The following ACYP2 variants were observed in gnomAD, a reference collection of about 807,000 sequenced individuals.
The protein encoded by ACYP2 is acylphosphatase 2, also known as acylphosphatase-2.
In ACYP2, 12 loss-of-function variants were observed where a neutral mutation model predicts 11.2. The ratio of observed to expected loss-of-function variants is 1.08; its 90% confidence interval spans 0.69 to 1.74. The LOEUF is 1.74. Ranked by LOEUF, ACYP2 falls within the 40% of genes most tolerant of loss-of-function variation. The pLI is 0.00. For synonymous variants in ACYP2, 43 were observed against 32.2 expected, an observed-to-expected ratio of 1.33 and a Z score of -1.13; for missense variants, 134 against 101.9, an observed-to-expected ratio of 1.31 and a Z score of -1.35.
intron 2 of ACYP2, among the ~76,000 whole-genome samples, chr2:53,991,583 T>G (rs915179222): frequency 3.3e-5 from 5 of 151,928 alleles, no homozygotes; most frequent in Non-Finnish European, 7.4e-5. Flanking sequence ...TTTTGTATTT[T>G]TAGTAGAGAC....
At chr2:54,275,041 T>C (rs958153928) in intron 6 of ACYP2, among the ~76,000 whole-genome samples, 1 of 152,004 alleles carries the variant, frequency 6.6e-6, no homozygotes, top group African/African-American at 2.4e-5. Context: ...GAATATTATT[T>C]TTAAGTTCTG....
chr2:53,993,285 G>A (rs1259815359), intron 2 of ACYP2, among the ~76,000 whole-genome samples: 1 of 152,108 alleles, frequency 6.6e-6, no homozygotes, highest in African/African-American at 2.4e-5. Context: ...ATTAGAAAGA[G>A]AGAGATGATG....
Position 54,127,752 on chromosome 2 carries a change from A to G in ACYP2, c.278-7701A>G, listed in dbSNP as rs796319765. Among the ~76,000 whole-genome samples the G allele has an allele frequency of 4.8e-4, 5 of 10,320 alleles. No homozygotes were observed. In the African/African-American group the frequency reaches 6.7e-3, roughly 14 times the overall value. 6.8% of individuals were successfully genotyped at this position (10,320 alleles called of 152,430 possible). ...TGGGCAACAGAGCGAGACTGTCTCA[A>G]AAAAAAAAAAAAAAAAAAAGCTTCT... On this transcript the variant is annotated intron_variant, in intron 4 of 6. Transcript: ENST00000607452.
chr2:53,986,026 C>A (rs953847825), intron 2 of ACYP2, among the ~76,000 whole-genome samples: 4 of 152,132 alleles, frequency 2.6e-5, no homozygotes, highest in African/African-American at 7.2e-5. Context: ...ATCCCAGCTC[C>A]TCGCAAGGCT....
chr2:54,220,806 T>C (rs1161801499), intron 6 of ACYP2, among the ~76,000 whole-genome samples: 1 of 152,234 alleles, frequency 6.6e-6, no homozygotes, highest in African/African-American at 2.4e-5. Context: ...ACTCTCCTCC[T>C]TAATTACCAC....
intron 4 of ACYP2, among the ~76,000 whole-genome samples, chr2:54,060,635 C>T (rs1308697836): frequency 6.6e-6 from 1 of 152,120 alleles, no homozygotes; most frequent in African/African-American, 2.4e-5. Context: ...AATTTATTTG[C>T]CCAAATACAT....
chr2:54,136,793 T>C (rs937882652), intron 5 of ACYP2, among the ~76,000 whole-genome samples: 3 of 152,082 alleles, frequency 2.0e-5, no homozygotes, highest in African/African-American at 7.2e-5. Flanking sequence ...CTGGCCATCA[T>C]AGTGAAACCC....
intron 4 of ACYP2, among the ~76,000 whole-genome samples, chr2:54,130,643 AC>A (rs1680847228): frequency 6.6e-6 from 1 of 152,226 alleles, no homozygotes; most frequent in Non-Finnish European, 1.5e-5. Flanking sequence ...AAACATTATC[AC>A]CCATTCTTCT....
intron 6 of ACYP2, among the ~76,000 whole-genome samples, chr2:54,195,213 T>C (rs1268860364): frequency 6.6e-6 from 1 of 152,230 alleles, no homozygotes; most frequent in African/African-American, 2.4e-5. Context: ...GATTGTTAGA[T>C]TCTATGGTAT....
At chr2:54,140,776 TTG>T (rs1435725737) in intron 6 of ACYP2, among the ~76,000 whole-genome samples, 1 of 152,188 alleles carries the variant, frequency 6.6e-6, no homozygotes. Flanking sequence ...TTTTTCTGTC[TTG>T]TTTTTTGCAA....
intron 2 of ACYP2, among the ~76,000 whole-genome samples, chr2:54,038,673 CTATATATATATATATA>C (rs56817782): frequency 2.6e-4 from 28 of 106,106 alleles, no homozygotes; most frequent in East Asian, 8.2e-4. Context: ...TTATTGAATA[CTATATATATATATATA>C]TATATATATA....
At chr2:54,291,471 T>C (rs1047852809) in intron 6 of ACYP2, among the ~76,000 whole-genome samples, 1 of 152,242 alleles carries the variant, frequency 6.6e-6, no homozygotes, top group African/African-American at 2.4e-5. Flanking sequence ...ACGTGGTATA[T>C]TGGCTTGGTC....
intron 4 of ACYP2, among the ~76,000 whole-genome samples, chr2:54,092,176 G>A (rs907010395): frequency 6.6e-6 from 1 of 152,180 alleles, no homozygotes; most frequent in Non-Finnish European, 1.5e-5. Flanking sequence ...GTTCAGTTTT[G>A]AAGATGTTGA....
At chr2:54,222,568 A>G (rs2103952475) in intron 6 of ACYP2, among the ~76,000 whole-genome samples, 1 of 150,978 alleles carries the variant, frequency 6.6e-6, no homozygotes, top group South Asian at 2.1e-4. Context: ...AAAAAAAAAA[A>G]ATTACAAACT....
intron 3 of ACYP2, chr2:54,051,170 A>G (rs1675846477): frequency 2.8e-6 from 2 of 710,984 alleles, no homozygotes; most frequent in Non-Finnish European, 5.0e-6. Context: ...CCAGACAGGC[A>G]TTGGGCGACT....
intron 6 of ACYP2, among the ~76,000 whole-genome samples, chr2:54,221,403 C>G (rs553129686): frequency 6.6e-6 from 1 of 152,010 alleles, no homozygotes; most frequent in Non-Finnish European, 1.5e-5. Flanking sequence ...AGATGGCTAA[C>G]CTATCAGTTC....
At chr2:54,055,067 CGCTCTGTCAACCGG>C (rs1676046432) in intron 3 of ACYP2, among the ~76,000 whole-genome samples, 1 of 152,048 alleles carries the variant, frequency 6.6e-6, no homozygotes, top group Non-Finnish European at 1.5e-5. Context: ...GACAGAGTCT[CGCTCTGTCAACCGG>C]GCTAGAGTGC....
At chr2:54,225,866 G>A (rs1157023330) in intron 6 of ACYP2, among the ~76,000 whole-genome samples, 4 of 152,120 alleles carry the variant, frequency 2.6e-5, no homozygotes, top group African/African-American at 7.2e-5. Flanking sequence ...GGGATGGAGT[G>A]AGGGGAGACA....
At chr2:54,276,440 A>G (rs1688574956) in intron 6 of ACYP2, among the ~76,000 whole-genome samples, 2 of 152,200 alleles carry the variant, frequency 1.3e-5, no homozygotes, top group African/African-American at 4.8e-5. Context: ...TGATGGAGTT[A>G]CTAAACCCAC....
Sources: gnomAD v4.1 joint callset for allele counts (sites outside exome capture counted in the v4.1 genomes callset) on GRCh38, gnomAD v4.1.1 for gene constraint, MANE v1.5 for transcripts, NCBI Gene and HGNC (gene_info 2026-07-23, HGNC 2026-07-21) for gene names.